Variants in GNA12 observed in about 807,000 individuals in gnomAD.
GNA12 encodes the protein G protein subunit alpha 12.
A neutral mutation model predicts 26.0 loss-of-function variants in GNA12; 9 were observed. The ratio of observed to expected loss-of-function variants is 0.35; its 90% CI spans 0.21 to 0.60. The LOEUF (loss-of-function observed/expected upper bound fraction) is 0.60, where lower values mean the gene tolerates loss of function less well. Among genes scored for constraint, GNA12 ranks in the 20% least tolerant of loss-of-function variants. GNA12 has a pLI of 0.78. For missense variants in GNA12, 405 were observed against 525.8 expected (o/e 0.77, Z 2.25); for synonymous variants, 264 against 219.6 (o/e 1.20, Z -1.79).
At chr7:2,812,291 T>A (rs187940509) in intron 1 of GNA12, among the ~76,000 whole-genome samples, 2 of 152,364 alleles carry the variant, frequency 1.3e-5, no homozygotes, top group East Asian at 3.9e-4. Flanking sequence ...CTAAAGCTGC[T>A]AAGACACGGG....
rs140322696 is a variant in GNA12 at position 2,731,302 on chromosome 7, C to T, written c.1025G>A (p.Arg342His). 3.7e-6 allele frequency: 6 copies of T among 1,613,682 alleles called. No homozygotes were observed. The highest frequency in any genetic ancestry group is 5.1e-6 in the Non-Finnish European group (6 of 1,179,838). Reference sequence around the variant, plus strand: ...GAAGTGGTGGAAGAGTGGCTTGCTGCGGTTCCGTCTCTTCCTGTCGAAGCA... The same window carrying T: ...GAAGTGGTGGAAGAGTGGCTTGCTGTGGTTCCGTCTCTTCCTGTCGAAGCA... ...VQCFDRKRRN[R>H]SKPLFHHFTT... is the part of the protein sequence containing the mutation. Residue 342 changes from arginine to histidine, a missense_variant, in exon 4 of 4, where the codon CGC becomes CAC. Transcript: ENST00000275364. This position sits in a 1 kb window ranked among gnomAD's most constrained non-coding sequence, Gnocchi z 6.0.
At chr7:2,820,752 T>C (rs953996519) in intron 1 of GNA12, among the ~76,000 whole-genome samples, 1 of 152,180 alleles carries the variant, frequency 6.6e-6, no homozygotes, top group Non-Finnish European at 1.5e-5. Context: ...AACTTTTTAC[T>C]TTAGAGACAG....
At chr7:2,768,682 C>A (rs13226887) in intron 2 of GNA12, among the ~76,000 whole-genome samples, 2,097 of 96,756 alleles carry the variant, frequency 0.022, 45 homozygotes, top group African/African-American at 0.051. Context: ...AAAAACAAAA[C>A]AAAACAAAAA....
At chr7:2,783,305 ACAGGGGTTGC>A (rs1792275795) in intron 2 of GNA12, among the ~76,000 whole-genome samples, 4 of 152,170 alleles carry the variant, frequency 2.6e-5, no homozygotes, top group Non-Finnish European at 5.9e-5. Context: ...GATCCATCGC[ACAGGGGTTGC>A]CTGGACTGCC....
rs572608630 is a variant in GNA12 at position 2,835,756 on chromosome 7, C to G, written c.309+8097G>C. ...GGAAGAAATAGAAGTAAAACAGAAA[C>G]AACTCCAAAACGTAGAAGATGCTCG... is the stretch of plus-strand genomic sequence containing the variant. On this transcript the variant is annotated intron_variant, in intron 1 of 3. Coordinates refer to ENST00000275364, the MANE Select transcript of GNA12 (RefSeq NM_007353.3). The G allele has an allele frequency of 1.9e-5, 15 of 782,514 alleles. No individual in the cohort carries two copies. The South Asian group carries it at 2.1e-4, about 11-fold the overall frequency. 48.5% of individuals were successfully genotyped at this position (782,514 alleles called of 1,614,324 possible).
chr7:2,835,644 G>T, intron 1 of GNA12: 2 of 876,780 alleles, frequency 2.3e-6, no homozygotes, highest in Non-Finnish European at 3.8e-6. Context: ...TGAAGAAGAC[G>T]GCTGCAGAAG....
intron 1 of GNA12, among the ~76,000 whole-genome samples, chr7:2,843,222 C>T (rs958961291): frequency 1.3e-5 from 2 of 152,212 alleles, no homozygotes; most frequent in Admixed American, 6.5e-5. Context: ...ACAAATCTTC[C>T]AGTGGGAAAT....
intron 1 of GNA12, among the ~76,000 whole-genome samples, chr7:2,795,967 C>G (rs368625134): frequency 1.3e-5 from 2 of 151,970 alleles, no homozygotes; most frequent in Non-Finnish European, 2.9e-5. Context: ...ATTACAGGTA[C>G]CTGCCACCAG....
intron 1 of GNA12, among the ~76,000 whole-genome samples, chr7:2,819,315 A>G (rs1793294955): frequency 6.6e-6 from 1 of 152,224 alleles, no homozygotes; most frequent in Non-Finnish European, 1.5e-5. Flanking sequence ...AAAGGAACAC[A>G]GTCCGGCTGG....
At chr7:2,747,833 A>T (rs544593543) in intron 2 of GNA12, among the ~76,000 whole-genome samples, 6 of 152,356 alleles carry the variant, frequency 3.9e-5, no homozygotes, top group African/African-American at 1.2e-4. Flanking sequence ...TATAAAATCA[A>T]TGTACAAAAA....
intron 1 of GNA12, among the ~76,000 whole-genome samples, chr7:2,822,908 C>A (rs1182199): frequency 0.32 from 49,002 of 151,854 alleles, 8,179 homozygotes; most frequent in African/African-American, 0.38. Flanking sequence ...TGCTCAGCCC[C>A]CTCCTAGATG....
chr7:2,833,402 C>T (rs1242901259), intron 1 of GNA12, among the ~76,000 whole-genome samples: 2 of 152,168 alleles, frequency 1.3e-5, no homozygotes, highest in Non-Finnish European at 2.9e-5. Flanking sequence ...AAAATAATTA[C>T]GAGCTGTCAA....
At chr7:2,780,983 G>C (rs529113923) in intron 2 of GNA12, among the ~76,000 whole-genome samples, 42 of 152,230 alleles carry the variant, frequency 2.8e-4, no homozygotes, top group Non-Finnish European at 5.3e-4. Flanking sequence ...CAGTGTATGA[G>C]AGTTCCTGTC....
At chr7:2,838,597 G>A (rs1177513032) in intron 1 of GNA12, among the ~76,000 whole-genome samples, 1 of 152,002 alleles carries the variant, frequency 6.6e-6, no homozygotes, top group East Asian at 1.9e-4. Flanking sequence ...GATAGTAACA[G>A]TCATAATAAT....
intron 2 of GNA12, among the ~76,000 whole-genome samples, chr7:2,791,344 T>C (rs1792512942): frequency 6.6e-6 from 1 of 152,186 alleles, no homozygotes; most frequent in Non-Finnish European, 1.5e-5. Flanking sequence ...TGGCCAGGCA[T>C]GGCAAGGGGC....
Position 2,751,770 on chromosome 7 carries a change from G to A in GNA12, c.526-18269C>T, listed in dbSNP as rs201825130. ...CAGATTGGACATCTTATACGAAATG[G>A]ACAAATTGCTTTAAAAAATTTAATT... On this transcript the variant is annotated intron_variant, in intron 2 of 3. Transcript: ENST00000275364. 2.0e-5 allele frequency among the ~76,000 whole-genome samples: 3 copies of A among 152,210 alleles called. No individual in the cohort carries two copies. The East Asian group carries it at 5.8e-4, about 29-fold the overall frequency.
intron 1 of GNA12, among the ~76,000 whole-genome samples, chr7:2,818,925 C>T (rs371761651): frequency 5.3e-5 from 8 of 152,152 alleles, no homozygotes; most frequent in Non-Finnish European, 1.0e-4. Context: ...GCCACAAGCC[C>T]GTGGCACGGG....
chr7:2,757,318 T>C (rs1053426212), intron 2 of GNA12, among the ~76,000 whole-genome samples: 1 of 151,660 alleles, frequency 6.6e-6, no homozygotes, highest in Non-Finnish European at 1.5e-5. Flanking sequence ...GTAGTTTTAG[T>C]AGAGACAGGG....
intron 2 of GNA12, among the ~76,000 whole-genome samples, chr7:2,734,628 AGACT>A (rs1430938793): frequency 6.6e-6 from 1 of 152,238 alleles, no homozygotes; most frequent in Non-Finnish European, 1.5e-5. Context: ...TGTCCCAGAC[AGACT>A]GAGGGGAGAA....
Sources: gnomAD v4.1 joint callset for allele counts (sites outside exome capture counted in the v4.1 genomes callset) on GRCh38, gnomAD v4.1.1 for gene constraint, Gnocchi (gnomAD v3.1) non-coding constraint, MANE v1.5 for transcripts, NCBI Gene and HGNC (gene_info 2026-07-23, HGNC 2026-07-21) for gene names.